GREM2: variants seen among roughly 807,000 people sequenced by gnomAD.
GREM2 encodes the protein gremlin 2, DAN family BMP antagonist.
Under a neutral mutation model 14.2 loss-of-function variants are expected in GREM2, and 11 were observed. That is an observed-to-expected ratio of 0.78 (90% CI 0.49 to 1.28). The LOEUF (loss-of-function observed/expected upper bound fraction) is 1.28, where lower values mean the gene tolerates loss of function less well. Ranked by LOEUF, GREM2 falls within the 50% of genes most tolerant of loss-of-function variation. The pLI is 0.00. For synonymous variants in GREM2, 98 were observed against 97.6 expected (o/e 1.00, Z -0.02); for missense variants, 210 against 218.5 (o/e 0.96, Z 0.24).
At chr1:240,546,019 ACT>A (rs1558157257) in intron 1 of GREM2, among the ~76,000 whole-genome samples, 2 of 151,958 alleles carry the variant, frequency 1.3e-5, no homozygotes. Flanking sequence ...TTCTCCACAG[ACT>A]CTTCCAATTT....
intron 1 of GREM2, among the ~76,000 whole-genome samples, chr1:240,603,124 G>A (rs1050267382): frequency 1.1e-4 from 16 of 152,062 alleles, no homozygotes; most frequent in African/African-American, 2.9e-4. Context: ...CGGTGAATGC[G>A]GTGCGGTGCG....
Position 240,577,456 on chromosome 1 carries a change from C to T in GREM2, c.-2+34428G>A, listed in dbSNP as rs866766948. Among the ~76,000 whole-genome samples the T allele has an allele frequency of 6.9e-4, 105 of 152,270 alleles. 1 individual carries two copies. The highest frequency in any genetic ancestry group is 2.2e-3 in the African/African-American group (91 of 41,562). ...TTGTGCCACTCTTGAGAATTAAGGGCTTTTCTTTGTTCAGTTTGGGTTCTC... is the reference window on the plus strand; with the variant it reads ...TTGTGCCACTCTTGAGAATTAAGGGTTTTTCTTTGTTCAGTTTGGGTTCTC... On this transcript the variant is annotated intron_variant, in intron 1 of 1. Transcript: ENST00000318160.
At chr1:240,566,960 A>G (rs1268677328) in intron 1 of GREM2, among the ~76,000 whole-genome samples, 3 of 152,232 alleles carry the variant, frequency 2.0e-5, no homozygotes, top group Non-Finnish European at 4.4e-5. Flanking sequence ...CTACATTGAA[A>G]AGTCATTATA....
At chr1:240,560,221 G>T (rs1163312587) in intron 1 of GREM2, among the ~76,000 whole-genome samples, 1 of 152,104 alleles carries the variant, frequency 6.6e-6, no homozygotes, top group Non-Finnish European at 1.5e-5. Flanking sequence ...AGTGAAATTG[G>T]CAATTTTTGT....
At chr1:240,508,974 C>A (rs1009805336) in intron 1 of GREM2, among the ~76,000 whole-genome samples, 1 of 152,144 alleles carries the variant, frequency 6.6e-6, no homozygotes, top group African/African-American at 2.4e-5. Context: ...TTAATTATAT[C>A]CTCATTAATA....
intron 1 of GREM2, among the ~76,000 whole-genome samples, chr1:240,508,404 T>G (rs1677728257): frequency 6.6e-6 from 1 of 152,210 alleles, no homozygotes; most frequent in South Asian, 2.1e-4. Context: ...ATAAAGCAAA[T>G]GTAAGTGTAC....
chr1:240,507,392 G>GC (rs1677702114), intron 1 of GREM2, among the ~76,000 whole-genome samples: 1 of 150,740 alleles, frequency 6.6e-6, no homozygotes, highest in South Asian at 2.1e-4. Flanking sequence ...GTGCAGTGGT[G>GC]CAATCTTGGC....
rs2103279141 is a variant in GREM2, at chr1:240,502,545, C to T, written c.-1-9069G>A. ...CTACGACTTCAACTAGCTCTCTGCTCATGACTCATAGACCCTCTACTCAAC... is the reference window on the plus strand; with the variant it reads ...CTACGACTTCAACTAGCTCTCTGCTTATGACTCATAGACCCTCTACTCAAC... On this transcript the variant is annotated intron_variant, in intron 1 of 1. Transcript: ENST00000318160. 2.0e-5 allele frequency among the ~76,000 whole-genome samples: 3 copies of T among 152,292 alleles called. No individual in the cohort carries two copies. In the Middle Eastern group the frequency reaches 0.01, roughly 518 times the overall value.
intron 1 of GREM2, among the ~76,000 whole-genome samples, chr1:240,496,086 G>A (rs562233876): frequency 1.4e-3 from 219 of 152,054 alleles, no homozygotes; most frequent in Non-Finnish European, 2.4e-3. Context: ...ACAGGCGCGC[G>A]CCACCAGGCC....
At chr1:240,532,670 TAGATA>T (rs1194766896) in intron 1 of GREM2, among the ~76,000 whole-genome samples, 2 of 144,054 alleles carry the variant, frequency 1.4e-5, no homozygotes, top group African/African-American at 2.9e-5. Flanking sequence ...GATAGATAGA[TAGATA>T]GATAGATAGA....
At chr1:240,591,756 C>T (rs1365874102) in intron 1 of GREM2, among the ~76,000 whole-genome samples, 2 of 152,164 alleles carry the variant, frequency 1.3e-5, no homozygotes, top group Non-Finnish European at 2.9e-5. Flanking sequence ...GTGGAAGGGG[C>T]CTTTGGAGGT....
chr1:240,507,709 G>A (rs1406180916), intron 1 of GREM2, among the ~76,000 whole-genome samples: 3 of 148,188 alleles, frequency 2.0e-5, no homozygotes, highest in Non-Finnish European at 3.0e-5. Flanking sequence ...AAGGCTATAA[G>A]AAGGCAGATG....
At chr1:240,513,940 T>C (rs1677893037) in intron 1 of GREM2, among the ~76,000 whole-genome samples, 1 of 140,524 alleles carries the variant, frequency 7.1e-6, no homozygotes, top group Non-Finnish European at 1.5e-5. Flanking sequence ...GAGACAGAAA[T>C]GGCTTTAAGA....
intron 1 of GREM2, among the ~76,000 whole-genome samples, chr1:240,530,064 G>A (rs1678317192): frequency 6.6e-6 from 1 of 152,010 alleles, no homozygotes; most frequent in Non-Finnish European, 1.5e-5. Flanking sequence ...ACCTCATTGG[G>A]CACCCGGTTT....
At chr1:240,547,458 C>A (rs1678757263) in intron 1 of GREM2, among the ~76,000 whole-genome samples, 1 of 148,378 alleles carries the variant, frequency 6.7e-6, no homozygotes, top group Admixed American at 6.7e-5. Flanking sequence ...CGAAATCACA[C>A]CGCTGCACTC....
chr1:240,512,484 A>G lies in GREM2; in HGVS notation c.-1-19008T>C, dbSNP rs1381339931. On this transcript the variant is annotated intron_variant, in intron 1 of 1. Transcript: ENST00000318160. ...AGGCTCTTTCCTTCTTTTCACAATG[A>G]ATTACTTATTCATCTTGATCTCACA... Among the ~76,000 whole-genome samples the G allele has an allele frequency of 1.0e-4, 3 of 29,780 alleles. No individual in the cohort carries two copies. In the African/African-American group the frequency reaches 2.0e-3, roughly 20 times the overall value. The allele number at this position is 29,780 out of a possible 152,430, so 19.5% of individuals were successfully genotyped here.
At chr1:240,496,928 G>A (rs1677433392) in intron 1 of GREM2, among the ~76,000 whole-genome samples, 1 of 152,094 alleles carries the variant, frequency 6.6e-6, no homozygotes. Context: ...GGGTGAGGCA[G>A]GAGAATCGCT....
intron 1 of GREM2, among the ~76,000 whole-genome samples, chr1:240,608,864 C>T (rs1015626586): frequency 1.3e-5 from 2 of 152,072 alleles, no homozygotes; most frequent in African/African-American, 2.4e-5. Flanking sequence ...ATTTGGCGAC[C>T]GGAGTCTTCC....
intron 1 of GREM2, among the ~76,000 whole-genome samples, chr1:240,596,434 C>T (rs933425319): frequency 6.6e-6 from 1 of 152,184 alleles, no homozygotes. Context: ...CGGTAGTTCA[C>T]TCCTGTAATC....
Sources: gnomAD v4.1 joint callset for allele counts (sites outside exome capture counted in the v4.1 genomes callset) on GRCh38, gnomAD v4.1.1 for gene constraint, MANE v1.5 for transcripts, NCBI Gene and HGNC (gene_info 2026-07-23, HGNC 2026-07-21) for gene names.